The following ZNF462 variants were observed in gnomAD, a reference collection of about 807,000 sequenced individuals.
ZNF462 encodes zinc finger PBX1-interacting protein.
Under a neutral mutation model 201.9 loss-of-function variants are expected in ZNF462, and 10 were observed. That is an observed-to-expected ratio of 0.05 (90% CI 0.03 to 0.08). ZNF462 has a LOEUF of 0.08. Among genes scored for constraint, ZNF462 ranks in the 10% least tolerant of loss-of-function variants. The pLI is 1.00. For missense variants in ZNF462, 2,523 were observed against 3,168.3 expected, an observed-to-expected ratio of 0.80 and a Z score of 4.89; for synonymous variants, 1,227 against 1,193.3, an observed-to-expected ratio of 1.03 and a Z score of -0.58.
At chr9:106,903,343 T>C (rs1455721623) in intron 1 of ZNF462, among the ~76,000 whole-genome samples, 4 of 152,192 alleles carry the variant, frequency 2.6e-5, no homozygotes, top group South Asian at 4.1e-4. Flanking sequence ...TTTTGTGGCC[T>C]ATCATATGGT....
chr9:106,903,119 T>G (rs1215796889), intron 1 of ZNF462, among the ~76,000 whole-genome samples: 1 of 152,072 alleles, frequency 6.6e-6, no homozygotes, highest in Non-Finnish European at 1.5e-5. Flanking sequence ...GTCCCAGAGG[T>G]TTTGATAGGT....
upstream of ZNF462, among the ~76,000 whole-genome samples, chr9:106,862,227 C>T (rs566115377): frequency 6.6e-6 from 1 of 152,314 alleles, no homozygotes; most frequent in East Asian, 1.9e-4. This position sits in a 1 kb window ranked among gnomAD's most constrained non-coding sequence, Gnocchi z 4.2. Context: ...AAAAGCCCCA[C>T]GTGGTTGATC....
At chr9:106,908,520 A>G (rs1384367830) in intron 1 of ZNF462, among the ~76,000 whole-genome samples, 1 of 151,936 alleles carries the variant, frequency 6.6e-6, no homozygotes, top group African/African-American at 2.4e-5. Flanking sequence ...AGATTTTCAA[A>G]CTTTTTGTAT....
chr9:106,901,753 G>A (rs770111651), intron 1 of ZNF462, among the ~76,000 whole-genome samples: 2 of 152,092 alleles, frequency 1.3e-5, no homozygotes, highest in Non-Finnish European at 2.9e-5. Context: ...GCTAATTTGT[G>A]TACATTAATG....
chr9:106,967,006 A>G (rs988125175), intron 7 of ZNF462, among the ~76,000 whole-genome samples: 4 of 152,100 alleles, frequency 2.6e-5, no homozygotes, highest in East Asian at 1.9e-4. Context: ...CACTTAGAGC[A>G]TGCAAGGGGG....
chr9:106,872,581 T>C lies in ZNF462; in HGVS notation c.-31+9226T>C, dbSNP rs1827640925. ...TTTCACTGTGTTGTCCAGGCTGGTC[T>C]CGAACTCCTGAGCTCAGGCAATCTG... On this transcript the variant is annotated intron_variant, in intron 1 of 12. Transcript: ENST00000277225. This position sits in a 1 kb window ranked among gnomAD's most constrained non-coding sequence, Gnocchi z 4.5. Among the ~76,000 whole-genome samples, 1 of 152,104 alleles carries C rather than the reference T, an allele frequency of 6.6e-6. No individual in the cohort carries two copies. The highest frequency in any genetic ancestry group is 2.4e-5 in the African/African-American group (1 of 41,412).
At chr9:106,943,059 C>T (rs3903100) in intron 7 of ZNF462, among the ~76,000 whole-genome samples, 60,100 of 142,946 alleles carry the variant, frequency 0.42, 13,257 homozygotes, top group African/African-American at 0.57. Flanking sequence ...TTTGCGCGCG[C>T]GTGTGTGTGT....
At chr9:106,877,036 G>A (rs973407037) in intron 1 of ZNF462, among the ~76,000 whole-genome samples, 2 of 152,068 alleles carry the variant, frequency 1.3e-5, no homozygotes, top group African/African-American at 4.8e-5. Context: ...GAGACCTCAC[G>A]GGTAAGGAGA....
chr9:107,002,443 A>G (rs1012209171), intron 10 of ZNF462, among the ~76,000 whole-genome samples: 3 of 152,172 alleles, frequency 2.0e-5, no homozygotes, highest in Non-Finnish European at 4.4e-5. Context: ...GCAACTGGAG[A>G]GGTTCTGAAA....
intron 1 of ZNF462, among the ~76,000 whole-genome samples, chr9:106,877,148 A>G (rs1827865445): frequency 6.6e-6 from 1 of 152,058 alleles, no homozygotes; most frequent in Non-Finnish European, 1.5e-5. Flanking sequence ...GGGTCTGGCC[A>G]AAAGGACATT....
In ZNF462 at chr9:106,932,750, C is replaced by T. The variant is rs746018605; in HGVS notation, c.6116+201C>T. ...ATTGATCGGATGGCGTTAGATTTGG[C>T]AAATGCAGGCATTTTAAAAATGAGA... On this transcript the variant is annotated intron_variant, in intron 5 of 12. Coordinates refer to ENST00000277225, the MANE Select transcript of ZNF462 (RefSeq NM_021224.6). The surrounding 1 kb of genome is among the most constrained non-coding windows in gnomAD (Gnocchi z 6.8). The T allele has an allele frequency of 1.2e-4, 79 of 646,806 alleles. No individual in the cohort carries two copies. Among genetic ancestry groups the T allele is most frequent in the Non-Finnish European group, 1.9e-4 (72 of 380,334 alleles). 40.1% of individuals were successfully genotyped at this position (646,806 alleles called of 1,614,324 possible).
At position 106,876,122 on chromosome 9, in the gene ZNF462, CA is replaced by C. The variant is rs960262727; in HGVS notation, c.-31+12769del. On this transcript the variant is annotated intron_variant, in intron 1 of 12. Transcript: ENST00000277225. The surrounding 1 kb of genome is among the most constrained non-coding windows in gnomAD (Gnocchi z 4.9). ...GTGGAATATACTCTTTGGGGCCACACAAGCTGAGGCTGAAATTTGTCTCTGT... is the reference window on the plus strand; with the variant it reads ...GTGGAATATACTCTTTGGGGCCACACAGCTGAGGCTGAAATTTGTCTCTGT... 8.5e-5 allele frequency among the ~76,000 whole-genome samples: 13 copies of C among 152,152 alleles called. No individual in the cohort carries two copies. Among genetic ancestry groups the C allele is most frequent in the Middle Eastern group, 3.2e-3 (1 of 316 alleles).
chr9:106,975,655 G>C (rs1826947378), intron 9 of ZNF462: 1 of 152,296 alleles, frequency 6.6e-6, no homozygotes, highest in South Asian at 2.1e-4. Context: ...CCCAGCCCAT[G>C]TGTTGCGGTG....
intron 7 of ZNF462, among the ~76,000 whole-genome samples, chr9:106,967,186 T>A (rs1359521035): frequency 6.6e-6 from 1 of 152,120 alleles, no homozygotes; most frequent in Admixed American, 6.6e-5. Flanking sequence ...GAGGCCTGTA[T>A]TTTCATAAGT....
Position 107,009,620 on chromosome 9 carries a change from C to A in ZNF462, c.7265C>A (p.Ala2422Glu). The A allele has an allele frequency of 1.2e-6, 2 of 1,612,498 alleles. No homozygotes were observed. Among genetic ancestry groups the A allele is most frequent in the Non-Finnish European group, 1.7e-6 (2 of 1,179,242 alleles). The change falls in exon 12 of 13, where the codon GCG (alanine) becomes GAG (glutamate). Residue 2422 changes from alanine (A) to glutamate (E), a missense_variant. This residue lies in a region of ZNF462 where 228 missense variants were observed against 361.2 expected (regional missense o/e 0.63). Transcript: ENST00000277225. This position sits in a 1 kb window ranked among gnomAD's most constrained non-coding sequence, Gnocchi z 6.1. ...TTTCCATGTGAATTTTGTGGACGGG[C>A]GTTTTCACAGGGCTCTGAGTGGGAA... ...KRFPCEFCGR[A>E]FSQGSEWERH... is the part of the protein sequence containing the mutation.
rs755449347 is a variant in ZNF462 at position 106,925,574 on chromosome 9, A to T, written c.1662A>T (p.Pro554=). 3 of 1,611,964 alleles carry T rather than the reference A, an allele frequency of 1.9e-6. No homozygotes were observed. The Admixed American group carries it at 5.0e-5, about 27-fold the overall frequency. ...QPPPPPPPPP[P]SQPQPLQQPQ... The stretch of plus-strand genomic sequence containing the variant: ...CACCACCGCCGCCGCCACCACCACC[A>T]TCACAGCCACAGCCACTGCAGCAGC... Residue 554 remains proline (P), a synonymous_variant, in exon 3 of 13, where the codon CCA becomes CCT. Transcript: ENST00000277225. This position sits in a 1 kb window ranked among gnomAD's most constrained non-coding sequence, Gnocchi z 7.9.
rs1827632510 is a variant in ZNF462 at position 106,872,415 on chromosome 9, G to GT, written c.-31+9061dup. ...GTTTTGCTCTGTCTCCCAGGCTGGA[G>GT]TGCAGTGGCACGATCTCCACTTAAG... On this transcript the variant is annotated intron_variant, in intron 1 of 12. Coordinates refer to ENST00000277225, the MANE Select transcript of ZNF462 (RefSeq NM_021224.6). This position sits in a 1 kb window ranked among gnomAD's most constrained non-coding sequence, Gnocchi z 4.5. 6.6e-6 allele frequency among the ~76,000 whole-genome samples: 1 copy of GT among 152,144 alleles called. No individual in the cohort carries two copies. The highest frequency in any genetic ancestry group is 2.4e-5 in the African/African-American group (1 of 41,436).
Position 106,927,893 on chromosome 9 carries a change from G to A in ZNF462, c.3981G>A (p.Leu1327=). Residue 1327 remains leucine, a synonymous_variant, in exon 3 of 13, where the codon TTG becomes TTA. Coordinates refer to ENST00000277225, the MANE Select transcript of ZNF462 (RefSeq NM_021224.6). ...ACTCCCATACGGAGCCCAACGGTTT[G>A]CTCCTGCATTACCAACGGAGGCATC... ...CIYSHTEPNG[L]LLHYQRRHPE... 3.7e-6 allele frequency: 6 copies of A among 1,614,162 alleles called. No individual in the cohort carries two copies. The highest frequency in any genetic ancestry group is 5.1e-6 in the Non-Finnish European group (6 of 1,180,032).
chr9:106,933,803 G>GA lies in ZNF462; in HGVS notation c.6116+1258dup, dbSNP rs1162921633. On this transcript the variant is annotated intron_variant, in intron 5 of 12. Coordinates refer to ENST00000277225, the MANE Select transcript of ZNF462 (RefSeq NM_021224.6). The surrounding 1 kb of genome is among the most constrained non-coding windows in gnomAD (Gnocchi z 4.3). ...GCATTTGGGTGAAGTCTTAAAGTAGGAAAATAGGACTTGAATAGTTTGGAA... is the reference window on the plus strand; with the variant it reads ...GCATTTGGGTGAAGTCTTAAAGTAGGAAAAATAGGACTTGAATAGTTTGGAA... 6.6e-6 allele frequency among the ~76,000 whole-genome samples: 1 copy of GA among 152,156 alleles called. No homozygotes were observed. Among genetic ancestry groups the GA allele is most frequent in the Admixed American group, 6.5e-5 (1 of 15,284 alleles).
Sources: gnomAD v4.1 joint callset for allele counts (sites outside exome capture counted in the v4.1 genomes callset) on GRCh38, gnomAD v4.1.1 for gene constraint, gnomAD v4.1.1 regional missense constraint, Gnocchi (gnomAD v3.1) non-coding constraint, MANE v1.5 for transcripts, NCBI Gene and HGNC (gene_info 2026-07-23, HGNC 2026-07-21) for gene names.